Variants in CTTNBP2 observed in about 807,000 individuals in gnomAD.
CTTNBP2 encodes cortactin-binding protein 2.
Under a neutral mutation model 156.9 loss-of-function variants are expected in CTTNBP2, and 108 were observed. The ratio of observed to expected loss-of-function variants is 0.69; its 90% CI spans 0.59 to 0.81. The LOEUF (loss-of-function observed/expected upper bound fraction) is 0.81. Among genes scored for constraint, CTTNBP2 ranks in the 30% least tolerant of loss-of-function variants. The pLI is 0.00. For missense variants in CTTNBP2, 1,924 were observed against 2,035.4 expected (o/e 0.95, Z 1.05); for synonymous variants, 767 against 751.8 (o/e 1.02, Z -0.33).
At chr7:117,819,285 T>C (rs552263998) in intron 2 of CTTNBP2, among the ~76,000 whole-genome samples, 1 of 151,756 alleles carries the variant, frequency 6.6e-6, no homozygotes, top group Admixed American at 6.6e-5. Context: ...TCAGAACTCA[T>C]TCTCGCTCTA....
rs150103859 is a variant in CTTNBP2, at chr7:117,764,167, C to A, written c.2896+2892G>T. Among the ~76,000 whole-genome samples the A allele has an allele frequency of 9.2e-5, 14 of 152,250 alleles. No homozygotes were observed. The East Asian group carries it at 1.7e-3, about 19-fold the overall frequency. On this transcript the variant is annotated intron_variant, in intron 9 of 22. Coordinates refer to ENST00000160373, the MANE Select transcript of CTTNBP2 (RefSeq NM_033427.3). ...TGTATCAAGATCAAGACAATTATTTCCCCATTACCTACATCTTACTTCCTC... is the reference window on the plus strand; with the variant it reads ...TGTATCAAGATCAAGACAATTATTTACCCATTACCTACATCTTACTTCCTC...
chr7:117,756,646 G>A lies in CTTNBP2; in HGVS notation c.3269-12C>T. 1.9e-6 allele frequency: 3 copies of A among 1,565,508 alleles called. No individual in the cohort carries two copies. The highest frequency in any genetic ancestry group is 2.6e-6 in the Non-Finnish European group (3 of 1,135,798). ...GCCTTCTTGAGGACCTGTAGGAAAG[G>A]ACAGACGAAGAAAAATGGGTGTTCC... On this transcript the variant is annotated splice_polypyrimidine_tract_variant and intron_variant, in intron 11 of 22. Coordinates refer to ENST00000160373, the MANE Select transcript of CTTNBP2 (RefSeq NM_033427.3).
chr7:117,746,328 T>C (rs1796329409), intron 12 of CTTNBP2, among the ~76,000 whole-genome samples: 1 of 152,226 alleles, frequency 6.6e-6, no homozygotes, highest in Non-Finnish European at 1.5e-5. Flanking sequence ...AACACATTTT[T>C]TCCCTCTATT....
intron 4 of CTTNBP2, among the ~76,000 whole-genome samples, chr7:117,790,466 C>T (rs1372423320): frequency 6.6e-6 from 1 of 152,160 alleles, no homozygotes; most frequent in Non-Finnish European, 1.5e-5. Context: ...CCTTCTGTGA[C>T]ATAGCCCACA....
At chr7:117,820,774 T>A (rs1175904584) in intron 2 of CTTNBP2, among the ~76,000 whole-genome samples, 1 of 152,224 alleles carries the variant, frequency 6.6e-6, no homozygotes, top group Admixed American at 6.5e-5. Flanking sequence ...TCAGGCAGGT[T>A]AAGTCCTTAA....
intron 1 of CTTNBP2, among the ~76,000 whole-genome samples, chr7:117,864,900 CATATATATTCATTCA>C (rs1265169949): frequency 7.2e-6 from 1 of 138,508 alleles, no homozygotes; most frequent in African/African-American, 2.6e-5. Flanking sequence ...AATATATATT[CATATATATTCATTCA>C]ATATATATTC....
At chr7:117,788,211 G>T (rs567633561) in intron 4 of CTTNBP2, among the ~76,000 whole-genome samples, 1 of 152,198 alleles carries the variant, frequency 6.6e-6, no homozygotes, top group Non-Finnish European at 1.5e-5. Context: ...CTGGGCACAA[G>T]TGATCCTCCT....
In CTTNBP2 at chr7:117,725,109, C is replaced by T; in HGVS notation, c.4204G>A (p.Ala1402Thr). The change falls in exon 18 of 23, where the codon GCT becomes ACT. Residue 1402 changes from alanine to threonine, a missense_variant. Ala to Thr is a moderately conservative substitution (Grantham distance 58, BLOSUM62 0). Transcript: ENST00000160373. The stretch of plus-strand genomic sequence containing the variant: ...GCTTTATTTAGCAAGATGCTGAGAG[C>T]AGCTTTGACCACAGCCTGCTGTCCT... The part of the protein sequence containing the change: ...SQGQQAVVKA[A>T]LSILLNKAVL... 1 of 1,613,112 alleles carries T rather than the reference C, an allele frequency of 6.2e-7. No individual in the cohort carries two copies. The highest frequency in any genetic ancestry group is 1.3e-5 in the African/African-American group (1 of 75,038).
chr7:117,818,989 G>C (rs7800668), intron 2 of CTTNBP2, among the ~76,000 whole-genome samples: 10,332 of 152,188 alleles, frequency 0.068, 382 homozygotes, highest in African/African-American at 0.094. Context: ...TGTAACTCAG[G>C]AGTCTCAAAA....
chr7:117,729,301 C>A (rs1795275508), intron 16 of CTTNBP2, among the ~76,000 whole-genome samples: 1 of 152,166 alleles, frequency 6.6e-6, no homozygotes, highest in Admixed American at 6.5e-5. Flanking sequence ...TGAAATTTCT[C>A]CTTTTGCAAG....
In CTTNBP2 at chr7:117,825,433, C is replaced by T. The variant is rs550794893; in HGVS notation, c.190-14444G>A. On this transcript the variant is annotated intron_variant, in intron 2 of 22. Transcript: ENST00000160373. ...CAACTCCTACCTATCCCACTTTCTG[C>T]CTTGGCCTCTCCAAATACAAGAGGG... 2.6e-5 allele frequency among the ~76,000 whole-genome samples: 4 copies of T among 152,336 alleles called. No homozygotes were observed. In the East Asian group the frequency reaches 7.7e-4, roughly 29 times the overall value.
At chr7:117,765,052 C>T (rs1463853894) in intron 9 of CTTNBP2, among the ~76,000 whole-genome samples, 1 of 152,192 alleles carries the variant, frequency 6.6e-6, no homozygotes, top group African/African-American at 2.4e-5. Context: ...TCTCCTGCCT[C>T]AGCCTCCTGA....
intron 2 of CTTNBP2, among the ~76,000 whole-genome samples, chr7:117,840,273 C>CA (rs985143077): frequency 6.6e-6 from 1 of 151,746 alleles, no homozygotes; most frequent in African/African-American, 2.4e-5. Flanking sequence ...TAGTCCTGTC[C>CA]AAAAAAGTTG....
chr7:117,854,479 A>T (rs1009106994), intron 2 of CTTNBP2, among the ~76,000 whole-genome samples: 1 of 152,212 alleles, frequency 6.6e-6, no homozygotes, highest in Non-Finnish European at 1.5e-5. Context: ...CCATTATTCT[A>T]TTTAAAGTGA....
chr7:117,851,655 T>C (rs1802936476), intron 2 of CTTNBP2, among the ~76,000 whole-genome samples: 1 of 152,186 alleles, frequency 6.6e-6, no homozygotes. Flanking sequence ...ATTCACAGTA[T>C]CTATTAAGAC....
chr7:117,759,519 G>A lies in CTTNBP2; in HGVS notation c.3172+916C>T, dbSNP rs572401573. On this transcript the variant is annotated intron_variant, in intron 10 of 22. Transcript: ENST00000160373. The stretch of plus-strand genomic sequence containing the variant: ...GTTTTGAAAGTGAATAAACATATAT[G>A]GGTAAACAGAATAAAACACTTTCTG... 3.3e-5 allele frequency among the ~76,000 whole-genome samples: 5 copies of A among 152,284 alleles called. No individual in the cohort carries two copies. The East Asian group carries it at 9.6e-4, about 29-fold the overall frequency.
chr7:117,835,797 C>A (rs1801901014), intron 2 of CTTNBP2, among the ~76,000 whole-genome samples: 3 of 152,214 alleles, frequency 2.0e-5, no homozygotes, highest in Admixed American at 2.0e-4. Flanking sequence ...ACAACGGGGG[C>A]TCTGGTTTTC....
At chr7:117,787,699 G>A (rs532383709) in intron 4 of CTTNBP2, among the ~76,000 whole-genome samples, 3 of 152,292 alleles carry the variant, frequency 2.0e-5, no homozygotes, top group East Asian at 3.9e-4. Flanking sequence ...TTAGAATTAA[G>A]AATGTTATTA....
Position 117,760,692 on chromosome 7 carries a change from A to G in CTTNBP2, c.2915T>C (p.Leu972Ser). The change falls in exon 10 of 23, where the codon TTA (leucine) becomes TCA (serine). Residue 972 changes from leucine (L) to serine (S), a missense_variant. Coordinates refer to ENST00000160373, the MANE Select transcript of CTTNBP2 (RefSeq NM_033427.3). ...LENLNALKIP[L>S]RISVGEIEPS... ...TTCAATCTCACCCACTGAAATCCTTAAGGGTATTTTAAGAGCATCTGTTAG... is the reference window on the plus strand; with the variant it reads ...TTCAATCTCACCCACTGAAATCCTTGAGGGTATTTTAAGAGCATCTGTTAG... 2 of 1,610,810 alleles carry G rather than the reference A, an allele frequency of 1.2e-6. No homozygotes were observed. Among genetic ancestry groups the G allele is most frequent in the South Asian group, 2.2e-5 (2 of 91,046 alleles).
Sources: allele counts gnomAD v4.1 joint callset (sites outside exome capture counted in the v4.1 genomes callset), GRCh38; gene constraint gnomAD v4.1.1; transcripts MANE v1.5; gene names NCBI Gene and HGNC (gene_info 2026-07-23, HGNC 2026-07-21).